The following OR4N2 variants were observed in gnomAD, a reference collection of about 807,000 sequenced individuals.
The protein encoded by OR4N2 is olfactory receptor 4N2.
For missense variants in OR4N2, 307 were observed against 377.6 expected (o/e 0.81, Z 1.55); for synonymous variants, 141 against 140.4 (o/e 1.00, Z -0.03).
intron 1 of OR4N2, among the ~76,000 whole-genome samples, chr14:19,814,128 G>T (rs1879368920): frequency 6.6e-6 from 1 of 151,900 alleles, no homozygotes; most frequent in Non-Finnish European, 1.5e-5. Flanking sequence ...TAAAGCCAAA[G>T]AAAAGATTAA....
intron 1 of OR4N2, among the ~76,000 whole-genome samples, chr14:19,825,387 T>C (rs1206405494): frequency 3.3e-5 from 5 of 152,226 alleles, no homozygotes; most frequent in South Asian, 4.1e-4. Flanking sequence ...TGTTTGCTTG[T>C]TTGTTTTGAT....
intron 1 of OR4N2, among the ~76,000 whole-genome samples, chr14:19,824,345 A>G: frequency 6.6e-6 from 1 of 152,258 alleles, no homozygotes; most frequent in Non-Finnish European, 1.5e-5. Flanking sequence ...GTCAAGTAGT[A>G]CAGAATCCCA....
intron 1 of OR4N2, among the ~76,000 whole-genome samples, chr14:19,814,719 T>C (rs1050377277): frequency 3.9e-5 from 6 of 152,262 alleles, no homozygotes; most frequent in African/African-American, 1.2e-4. Flanking sequence ...ATGTGTAGAA[T>C]ATGCAGGTTT....
In OR4N2 at chr14:19,827,763, C is replaced by T; in HGVS notation, c.315C>T (p.His105=). ...GCATCACTCAGCTCTTTTTCTTGCA[C>T]TTCCTTGGAGGAGGGGAGGGATTAC... ...RGCITQLFFL[H]FLGGGEGLLL... The change falls in exon 2 of 2, where the codon CAC becomes CAT. Residue 105 remains histidine, a synonymous_variant. Coordinates refer to ENST00000557677, the MANE Select transcript of OR4N2 (RefSeq NM_001004723.3). 1.2e-6 allele frequency: 2 copies of T among 1,614,272 alleles called. No homozygotes were observed. The highest frequency in any genetic ancestry group is 1.7e-6 in the Non-Finnish European group (2 of 1,180,052).
At chr14:19,805,759 G>A (rs986463152) in intron 1 of OR4N2, among the ~76,000 whole-genome samples, 6 of 152,124 alleles carry the variant, frequency 3.9e-5, no homozygotes, top group Non-Finnish European at 2.9e-5. Context: ...GATATCGTAC[G>A]AGATGTACAA....
chr14:19,822,546 C>T lies in OR4N2; in HGVS notation c.-9-4894C>T, dbSNP rs191135856. ...ACCAAAAAAAAGCTTGATATACAAA[C>T]CACTAGCTGTACTGGCAATTTTACA... is the stretch of plus-strand genomic sequence containing the variant. On this transcript the variant is annotated intron_variant, in intron 1 of 1. Coordinates refer to ENST00000557677, the MANE Select transcript of OR4N2 (RefSeq NM_001004723.3). The T allele has an allele frequency of 1.2e-4, 19 of 152,310 alleles. No homozygotes were observed. The East Asian group carries it at 3.3e-3, about 26-fold the overall frequency. 9.4% of individuals were successfully genotyped at this position (152,310 alleles called of 1,614,324 possible).
At chr14:19,804,174 T>C (rs1463692901) in intron 1 of OR4N2, among the ~76,000 whole-genome samples, 6 of 152,196 alleles carry the variant, frequency 3.9e-5, no homozygotes, top group Admixed American at 2.0e-4. Context: ...ATCTTTTGTA[T>C]GGGTTTTTGC....
At chr14:19,811,565 A>G (rs1340427270) in intron 1 of OR4N2, among the ~76,000 whole-genome samples, 6 of 152,270 alleles carry the variant, frequency 3.9e-5, no homozygotes, top group Admixed American at 3.9e-4. Flanking sequence ...ATTTTAAAAC[A>G]AAGTATTAGC....
chr14:19,817,798 C>A (rs972621631), intron 1 of OR4N2, among the ~76,000 whole-genome samples: 3 of 152,260 alleles, frequency 2.0e-5, no homozygotes, highest in Non-Finnish European at 4.4e-5. Flanking sequence ...AATTTTAGAT[C>A]TTTCCTGCTT....
rs10135605 is a variant in OR4N2, at chr14:19,828,550, C to T, written c.*178C>T. ...TCCATCTGCTCTCCAAGAGATACAA[C>T]CTAGTAAAAATAGACCACCATTAAG... On this transcript the variant is annotated 3_prime_UTR_variant, in exon 2 of 2. Transcript: ENST00000557677. 0.27 allele frequency: 170,309 copies of T among 621,370 alleles called. 10,780 individuals are homozygous for T. Among genetic ancestry groups the T allele is most frequent in the African/African-American group, 0.4 (20,926 of 52,928 alleles). 38.5% of individuals were successfully genotyped at this position (621,370 alleles called of 1,614,324 possible).
intron 1 of OR4N2, among the ~76,000 whole-genome samples, chr14:19,826,484 A>C (rs376612495): frequency 5.7e-3 from 874 of 152,252 alleles, no homozygotes; most frequent in African/African-American, 0.02. Context: ...CTCTAAACTT[A>C]AGTAATATAA....
chr14:19,809,217 T>C (rs374853225), intron 1 of OR4N2, among the ~76,000 whole-genome samples: 1 of 152,212 alleles, frequency 6.6e-6, no homozygotes, highest in East Asian at 1.9e-4. Flanking sequence ...CAAAATCGAT[T>C]AAAGATTTAA....
At chr14:19,808,101 A>G (rs111433581) in intron 1 of OR4N2, among the ~76,000 whole-genome samples, 17,066 of 149,772 alleles carry the variant, frequency 0.11, 583 homozygotes, top group South Asian at 0.24. Context: ...AATAACAGCC[A>G]TCTATGACAG....
intron 1 of OR4N2, among the ~76,000 whole-genome samples, chr14:19,815,080 A>G (rs1196155460): frequency 1.3e-5 from 2 of 152,206 alleles, no homozygotes; most frequent in Non-Finnish European, 2.9e-5. Flanking sequence ...ATTGATGGGC[A>G]TTTGGGTTGG....
At chr14:19,815,801 A>G (rs1879413002) in intron 1 of OR4N2, among the ~76,000 whole-genome samples, 1 of 152,044 alleles carries the variant, frequency 6.6e-6, no homozygotes, top group Non-Finnish European at 1.5e-5. Flanking sequence ...GGTATTGGCT[A>G]GGTTTTCTTT....
intron 1 of OR4N2, among the ~76,000 whole-genome samples, chr14:19,818,499 G>T (rs1255269850): frequency 6.6e-6 from 1 of 152,162 alleles, no homozygotes; most frequent in Non-Finnish European, 1.5e-5. Flanking sequence ...GACTAGGATT[G>T]CAACCGCTGC....
At position 19,827,490 on chromosome 14, in the gene OR4N2, C is replaced by G. The variant is rs1566469401; in HGVS notation, c.42C>G (p.Leu14=). 6 of 1,610,886 alleles carry G rather than the reference C, an allele frequency of 3.7e-6. No homozygotes were observed. The highest frequency in any genetic ancestry group is 5.1e-6 in the Non-Finnish European group (6 of 1,178,304). The change falls in exon 2 of 2, where the codon CTC becomes CTG. Residue 14 remains leucine, a synonymous_variant. Coordinates refer to ENST00000557677, the MANE Select transcript of OR4N2 (RefSeq NM_001004723.3). The part of the protein sequence containing the change: ...ENRTVIREFI[L]LGLTQSQDIQ... The stretch of plus-strand genomic sequence containing the variant: ...GAACAGTGATAAGAGAATTCATCCT[C>G]CTTGGTCTGACCCAGTCTCAAGATA...
At chr14:19,807,190 A>G (rs1288706976) in intron 1 of OR4N2, among the ~76,000 whole-genome samples, 1 of 152,018 alleles carries the variant, frequency 6.6e-6, no homozygotes, top group Non-Finnish European at 1.5e-5. Flanking sequence ...CTAGAAAAAA[A>G]AAAAGCTCAA....
At chr14:19,818,592 G>T (rs1219341059) in intron 1 of OR4N2, among the ~76,000 whole-genome samples, 1 of 152,012 alleles carries the variant, frequency 6.6e-6, no homozygotes, top group Non-Finnish European at 1.5e-5. Flanking sequence ...ACGTGAGATG[G>T]GTCTCCTGAA....
Sources: gnomAD v4.1 joint callset for allele counts (sites outside exome capture counted in the v4.1 genomes callset) on GRCh38, gnomAD v4.1.1 for gene constraint, MANE v1.5 for transcripts, NCBI Gene and HGNC (gene_info 2026-07-23, HGNC 2026-07-21) for gene names.